The following SEPTIN6 variants were observed in gnomAD, a reference collection of about 807,000 sequenced individuals.
SEPTIN6 encodes the protein septin 6.
SEPTIN6 carries 8 observed loss-of-function variants against 33.6 expected under a neutral mutation model. The observed-to-expected ratio is 0.24, with a 90% CI of 0.14 to 0.43. SEPTIN6 has a LOEUF of 0.43. Among genes scored for constraint, SEPTIN6 ranks in the 20% least tolerant of loss-of-function variants. The pLI is 1.00. For synonymous variants in SEPTIN6, 131 were observed against 140.0 expected (o/e 0.94, Z 0.45); for missense variants, 250 against 340.8 (o/e 0.73, Z 2.10).
At chrX:119,692,307 A>G in intron 1 of SEPTIN6, among the ~76,000 whole-genome samples, 1 of 108,311 alleles carries the variant, frequency 9.2e-6, no homozygotes, top group Middle Eastern at 4.3e-3. Flanking sequence ...GCAGCCAGCC[A>G]CCTACAGGCC....
intron 1 of SEPTIN6, among the ~76,000 whole-genome samples, chrX:119,691,075 A>G (rs2055164790): frequency 9.0e-6 from 1 of 111,440 alleles, no homozygotes; most frequent in African/African-American, 3.3e-5. Context: ...TATGTTCTTC[A>G]TCATACAGTA....
At chrX:119,663,452 C>CCCCCA in intron 3 of SEPTIN6, 30 bp downstream of exon 3, 4 of 693,250 alleles carry the variant, frequency 5.8e-6, no homozygotes, top group East Asian at 3.5e-5. Flanking sequence ...CCAACCTCCC[C>CCCCCA]ACCCTACCCC....
intron 5 of SEPTIN6, among the ~76,000 whole-genome samples, chrX:119,643,365 T>C (rs1479080793): frequency 9.2e-6 from 1 of 108,258 alleles, no homozygotes; most frequent in Non-Finnish European, 1.9e-5. Flanking sequence ...GAGGAAGGCA[T>C]GTGAATTGGG....
chrX:119,642,002 G>A (rs938975544), intron 5 of SEPTIN6, among the ~76,000 whole-genome samples: 11 of 110,973 alleles, frequency 9.9e-5, no homozygotes, highest in South Asian at 7.5e-4. Flanking sequence ...TAAGAATGAC[G>A]TAATAGCAAA....
rs1391533831 is a variant in SEPTIN6 at position 119,625,372 on chromosome X, A to T, written c.*4T>A. 19 of 1,206,270 alleles carry T rather than the reference A, an allele frequency of 1.6e-5. No homozygotes were observed. Among genetic ancestry groups the T allele is most frequent in the Non-Finnish European group, 2.1e-5 (19 of 891,966 alleles). On this transcript the variant is annotated 3_prime_UTR_variant, in exon 10 of 11. Transcript: ENST00000394610. ...TCTCATGCAGCATGCAGCAAACAGCAGAGTTAACTGTAAAACAGTAAGAGC... is the reference window on the plus strand; with the variant it reads ...TCTCATGCAGCATGCAGCAAACAGCTGAGTTAACTGTAAAACAGTAAGAGC...
At chrX:119,640,102 G>A (rs1273022399) in intron 6 of SEPTIN6, among the ~76,000 whole-genome samples, 1 of 103,290 alleles carries the variant, frequency 9.7e-6, no homozygotes, top group Non-Finnish European at 2.0e-5. Flanking sequence ...GTGAGCCACC[G>A]CGCCCAGCCC....
intron 8 of SEPTIN6, among the ~76,000 whole-genome samples, chrX:119,631,387 A>G (rs2053958415): frequency 9.3e-6 from 1 of 107,462 alleles, no homozygotes; most frequent in East Asian, 3.0e-4. Flanking sequence ...TCACTGAGTT[A>G]GCCAGGATGG....
chrX:119,620,134 A>G (rs1212489904), intron 10 of SEPTIN6, 83 bp from the exon 11 acceptor site: 4 of 731,277 alleles, frequency 5.5e-6, no homozygotes, highest in Non-Finnish European at 6.2e-6. Context: ...AAAATTAAGT[A>G]ATGAGGACTA....
intron 5 of SEPTIN6, among the ~76,000 whole-genome samples, chrX:119,647,658 T>C (rs746810000): frequency 8.3e-5 from 9 of 108,032 alleles, no homozygotes; most frequent in Non-Finnish European, 1.5e-4. Context: ...CACCAGTTAA[T>C]TTTTTCTTTT....
chrX:119,620,471 G>A (rs1474973397), intron 10 of SEPTIN6, among the ~76,000 whole-genome samples: 33 of 107,263 alleles, frequency 3.1e-4, no homozygotes, highest in East Asian at 1.2e-3. Flanking sequence ...GGAGCCCGCC[G>A]CCACACCCGG....
chrX:119,648,596 G>A (rs759249473), intron 5 of SEPTIN6, among the ~76,000 whole-genome samples: 4 of 111,563 alleles, frequency 3.6e-5, no homozygotes, highest in East Asian at 5.6e-4. Context: ...CCTTACCCTT[G>A]AGCCAGATTT....
At chrX:119,643,096 T>C (rs184972321) in intron 5 of SEPTIN6, among the ~76,000 whole-genome samples, 33 of 111,137 alleles carry the variant, frequency 3.0e-4, no homozygotes, top group Non-Finnish European at 5.7e-4. Context: ...CCTAAGCATG[T>C]CCAATCTTTG....
At position 119,620,069 on chromosome X, in the gene SEPTIN6, A is replaced by G; in HGVS notation, c.*42-18T>C. The G allele has an allele frequency of 6.0e-6, 7 of 1,157,141 alleles. No individual in the cohort carries two copies. The highest frequency in any genetic ancestry group is 4.7e-4 in the Middle Eastern group (2 of 4,217). ...AGCCCAAACTGAAAATGAAAAGAGAAGCTGAGTTAATGAATGGATAGATTA... is the reference window on the plus strand; with the variant it reads ...AGCCCAAACTGAAAATGAAAAGAGAGGCTGAGTTAATGAATGGATAGATTA... On this transcript the variant is annotated intron_variant, in intron 10 of 10. Transcript: ENST00000394610.
intron 9 of SEPTIN6, among the ~76,000 whole-genome samples, chrX:119,626,935 C>T (rs1314316253): frequency 2.7e-5 from 3 of 111,609 alleles, no homozygotes; most frequent in Non-Finnish European, 5.6e-5. Flanking sequence ...GATCTGCCTG[C>T]GTCAGTTTCC....
intron 1 of SEPTIN6, 108 bp downstream of exon 1, chrX:119,692,968 C>T: frequency 1.2e-6 from 1 of 846,310 alleles, no homozygotes; most frequent in Non-Finnish European, 1.7e-6. Flanking sequence ...GCCCTTGGCT[C>T]CTGGATGCTG....
rs886925750 is a variant in SEPTIN6 at position 119,629,344 on chromosome X, A to C, written c.1254T>G (p.Thr418=). Residue 418 remains threonine (T), a synonymous_variant, in exon 9 of 11, where the codon ACT becomes ACG. Coordinates refer to ENST00000394610, the MANE Select transcript of SEPTIN6 (RefSeq NM_145799.4). ...SQGSQAGGSQ[T]LKRDKEKKN is the part of the protein sequence containing the mutation. ...TTTTCTTCTCTTTGTCTCTCTTCAG[A>C]GTCTGTGAGCCTCCAGCCTGGGAGC... The C allele has an allele frequency of 2.5e-6, 3 of 1,211,399 alleles. No homozygotes were observed. Among genetic ancestry groups the C allele is most frequent in the Non-Finnish European group, 3.4e-6 (3 of 895,429 alleles).
rs1303612702 is a variant in SEPTIN6 at position 119,684,119 on chromosome X, T to C, written c.31-8451A>G. Among the ~76,000 whole-genome samples, 5 of 110,122 alleles carry C rather than the reference T, an allele frequency of 4.5e-5. No homozygotes were observed. The Admixed American group carries it at 4.9e-4, about 11-fold the overall frequency. ...CACACCCAGCTAATTTTTGTATTTT[T>C]AGTTTAGTAGAGATGGGGTTTCACC... On this transcript the variant is annotated intron_variant, in intron 1 of 10. Transcript: ENST00000394610.
Position 119,638,285 on chromosome X carries a change from C to T in SEPTIN6, c.788-1090G>A, listed in dbSNP as rs186988901. Among the ~76,000 whole-genome samples, 71 of 111,226 alleles carry T rather than the reference C, an allele frequency of 6.4e-4. 1 individual carries two copies. In the East Asian group the frequency reaches 0.012, roughly 19 times the overall value. On this transcript the variant is annotated intron_variant, in intron 6 of 10. Coordinates refer to ENST00000394610, the MANE Select transcript of SEPTIN6 (RefSeq NM_145799.4). ...CACTTTCTGGCCTGTGTGAACAAGT[C>T]CCCTCCTCAAAAGAGTGCAAGCAAA...
Position 119,617,439 on chromosome X carries a change from C to T in SEPTIN6, c.*2654G>A. 2.5e-6 allele frequency: 2 copies of T among 803,627 alleles called. No homozygotes were observed. The allele number at this position is 803,627 out of a possible 1,213,427, so 66.2% of individuals were successfully genotyped here. A position where few individuals can be genotyped will look rare whatever the true frequency, so the allele number is the denominator to read the frequency against. On this transcript the variant is annotated 3_prime_UTR_variant, in exon 11 of 11. Transcript: ENST00000394610. ...CCCTGATTATAAGGGTCACCTAGGG[C>T]ACCTGTTACACACAGTCTCCTGGAC...
Sources: allele counts gnomAD v4.1 joint callset (sites outside exome capture counted in the v4.1 genomes callset), GRCh38; gene constraint gnomAD v4.1.1; transcripts MANE v1.5; gene names NCBI Gene and HGNC (gene_info 2026-07-23, HGNC 2026-07-21).